Variants in CCSER2 observed in about 807,000 individuals in gnomAD.
CCSER2 encodes the protein serine-rich coiled-coil domain-containing protein 2.
A neutral mutation model predicts 92.3 loss-of-function variants in CCSER2; 46 were observed. The observed-to-expected ratio is 0.50, with a 90% CI of 0.39 to 0.64. The LOEUF (loss-of-function observed/expected upper bound fraction) is 0.64, where lower values mean the gene tolerates loss of function less well. Ranked by LOEUF, CCSER2 falls within the 30% of genes least tolerant of loss-of-function variation. The pLI, the probability that CCSER2 is intolerant of heterozygous loss-of-function variation, is 0.00. For synonymous variants in CCSER2, 433 were observed against 431.4 expected, an observed-to-expected ratio of 1.00 and a Z score of -0.04; for missense variants, 1,244 against 1,238.9, an observed-to-expected ratio of 1.00 and a Z score of -0.06.
At chr10:84,337,222 T>C (rs952742925) in intron 1 of CCSER2, among the ~76,000 whole-genome samples, 4 of 152,152 alleles carry the variant, frequency 2.6e-5, no homozygotes, top group African/African-American at 9.7e-5. Context: ...TGAATGTGGC[T>C]GGAGAAGTCC....
intron 7 of CCSER2, among the ~76,000 whole-genome samples, chr10:84,465,239 TTGTGTGTGTGTGTGTGTGTG>T (rs59254139): frequency 0.038 from 4,029 of 106,816 alleles, 315 homozygotes; most frequent in African/African-American, 0.11. Flanking sequence ...TTTCCTGAAT[TTGTGTGTGTGTGTGTGTGTG>T]TGTGTGTGTG....
chr10:84,406,682 T>G (rs970509202), intron 3 of CCSER2, among the ~76,000 whole-genome samples: 10 of 152,188 alleles, frequency 6.6e-5, no homozygotes, highest in Non-Finnish European at 1.2e-4. Context: ...ATTTTAATGG[T>G]CTACTAAGGA....
intron 4 of CCSER2, among the ~76,000 whole-genome samples, chr10:84,418,300 T>G (rs1409951378): frequency 6.6e-6 from 1 of 152,208 alleles, no homozygotes; most frequent in Non-Finnish European, 1.5e-5. Context: ...ATTCTGTACA[T>G]TTTACTCCCA....
intron 4 of CCSER2, among the ~76,000 whole-genome samples, chr10:84,419,572 A>G (rs1184399923): frequency 6.6e-6 from 1 of 152,140 alleles, no homozygotes; most frequent in Non-Finnish European, 1.5e-5. Flanking sequence ...CTGTAAGGAG[A>G]GAATGAAAAG....
At chr10:84,457,374 A>G (rs1278383435) in intron 6 of CCSER2, among the ~76,000 whole-genome samples, 2 of 95,848 alleles carry the variant, frequency 2.1e-5, no homozygotes, top group Non-Finnish European at 3.8e-5. Context: ...TTTTAAATAT[A>G]TATTTTAAAT....
At position 84,348,727 on chromosome 10, in the gene CCSER2, T is replaced by TA. The variant is rs982260003; in HGVS notation, c.-40+19926dup. On this transcript the variant is annotated intron_variant, in intron 1 of 9. Transcript: ENST00000372088. ...GAATAAGAGAAATCTGGGACTGTCT[T>TA]AAAAAAAGTTTTGGGTTTTTTTGGT... 3.4e-5 allele frequency among the ~76,000 whole-genome samples: 5 copies of TA among 145,508 alleles called. No individual in the cohort carries two copies. The East Asian group carries it at 1.0e-3, about 30-fold the overall frequency.
In CCSER2 at chr10:84,371,658, C is replaced by T; in HGVS notation, c.606C>T (p.Ser202=). The part of the protein sequence containing the change: ...SCATRSSSGE[S]LAQSPDSSKS... ...CCACCAGAAGCAGTTCTGGAGAAAG[C>T]TTAGCTCAATCCCCAGACAGTAGTA... The change falls in exon 2 of 10, where the codon AGC becomes AGT. Residue 202 remains serine, a synonymous_variant. Transcript: ENST00000372088. 6.2e-7 allele frequency: 1 copy of T among 1,613,698 alleles called. No homozygotes were observed. The highest frequency in any genetic ancestry group is 8.5e-7 in the Non-Finnish European group (1 of 1,179,784).
intron 1 of CCSER2, among the ~76,000 whole-genome samples, chr10:84,354,602 G>A (rs1298325247): frequency 7.3e-6 from 1 of 136,108 alleles, no homozygotes; most frequent in African/African-American, 2.8e-5. Flanking sequence ...TACCAGGACT[G>A]TGCCTTTCTC....
At chr10:84,354,582 G>A (rs186110988) in intron 1 of CCSER2, among the ~76,000 whole-genome samples, 161 of 127,996 alleles carry the variant, frequency 1.3e-3, no homozygotes, top group African/African-American at 4.9e-3. Context: ...CATTTTTTAA[G>A]TGTTGGTGAT....
rs1316284452 is a variant in CCSER2 at position 84,429,234 on chromosome 10, G to GT, written c.1868+3347dup. 2.0e-5 allele frequency among the ~76,000 whole-genome samples: 3 copies of GT among 152,046 alleles called. No individual in the cohort carries two copies. In the East Asian group the frequency reaches 5.8e-4, roughly 29 times the overall value. On this transcript the variant is annotated intron_variant, in intron 5 of 9. Coordinates refer to ENST00000372088, the MANE Select transcript of CCSER2 (RefSeq NM_001284240.2). ...TGGGCCTGGGCTTTTCTTTGTGGCA[G>GT]TTTTTTGGATTGCTAATTTAATTTT...
chr10:84,473,463 T>C lies in CCSER2; in HGVS notation c.2235+3005T>C, dbSNP rs1846939528. ...AGGATTAGAAAAGATTCACTGCTTC[T>C]CATTGCAAGCAGTGATCTCTGTAAA... is the stretch of plus-strand genomic sequence containing the variant. On this transcript the variant is annotated intron_variant, in intron 8 of 9. Transcript: ENST00000372088. 1.1e-4 allele frequency among the ~76,000 whole-genome samples: 16 copies of C among 152,212 alleles called. 1 individual carries two copies. In the South Asian group the frequency reaches 3.3e-3, roughly 32 times the overall value.
At chr10:84,396,341 T>G (rs1841836937) in intron 3 of CCSER2, among the ~76,000 whole-genome samples, 1 of 151,074 alleles carries the variant, frequency 6.6e-6, no homozygotes, top group African/African-American at 2.4e-5. Flanking sequence ...ATTGCTAACT[T>G]ACACCCTATG....
intron 7 of CCSER2, among the ~76,000 whole-genome samples, chr10:84,466,904 T>C (rs1033855661): frequency 2.6e-5 from 4 of 152,226 alleles, no homozygotes; most frequent in African/African-American, 9.6e-5. Context: ...CTATGGAAGA[T>C]CAGCTCTTCT....
intron 3 of CCSER2, among the ~76,000 whole-genome samples, chr10:84,382,887 C>T (rs1259552761): frequency 6.6e-6 from 1 of 152,204 alleles, no homozygotes; most frequent in East Asian, 1.9e-4. Context: ...GCTTTTGACA[C>T]ACCAACAAGT....
chr10:84,500,556 A>G (rs1848669744), intron 9 of CCSER2, among the ~76,000 whole-genome samples: 1 of 152,230 alleles, frequency 6.6e-6, no homozygotes, highest in South Asian at 2.1e-4. Context: ...TGCATGGTTT[A>G]CTAACATTTC....
intron 3 of CCSER2, among the ~76,000 whole-genome samples, chr10:84,385,928 G>A (rs1176870923): frequency 2.0e-5 from 3 of 151,784 alleles, no homozygotes; most frequent in South Asian, 2.1e-4. Context: ...CAAAGGATAT[G>A]AACAGACATT....
In CCSER2 at chr10:84,513,736, T is replaced by A. The variant is rs1849487958; in HGVS notation, c.2613T>A (p.Tyr871Ter). 1 of 1,537,506 alleles carries A rather than the reference T, an allele frequency of 6.5e-7. No individual in the cohort carries two copies. Residue 871 changes from tyrosine (Y) to a stop codon, truncating the protein, a stop_gained, in exon 10 of 10, where the codon TAT becomes TAA. Transcript: ENST00000372088. LOFTEE classifies it high-confidence loss of function. ...LNITVNAQEP[Y>*]HLANNQISDM... ...TTACTGTAAATGCTCAAGAGCCTTA[T>A]CATTTGGCAAACAATCAAATTAGTG...
intron 1 of CCSER2, among the ~76,000 whole-genome samples, chr10:84,366,670 A>G (rs933383457): frequency 1.3e-5 from 2 of 152,220 alleles, no homozygotes; most frequent in South Asian, 2.1e-4. Flanking sequence ...TTGGGCAATG[A>G]CAAATAACGT....
intron 1 of CCSER2, among the ~76,000 whole-genome samples, chr10:84,359,289 AG>A (rs1845369785): frequency 6.6e-6 from 1 of 152,188 alleles, no homozygotes; most frequent in South Asian, 2.1e-4. Context: ...GCAACTCTGA[AG>A]GGTCCATTGT....
Sources: gnomAD v4.1 joint callset for allele counts (sites outside exome capture counted in the v4.1 genomes callset) on GRCh38, gnomAD v4.1.1 for gene constraint, MANE v1.5 for transcripts, NCBI Gene and HGNC (gene_info 2026-07-23, HGNC 2026-07-21) for gene names.